MAGI1: variants seen among roughly 807,000 people sequenced by gnomAD.
The protein encoded by MAGI1 is membrane associated guanylate kinase, WW and PDZ domain containing 1.
A neutral mutation model predicts 139.9 loss-of-function variants in MAGI1; 58 were observed. The observed-to-expected ratio is 0.41, with a 90% CI of 0.34 to 0.52. The LOEUF (loss-of-function observed/expected upper bound fraction) is 0.52. Ranked by LOEUF, MAGI1 falls within the 20% of genes least tolerant of loss-of-function variation. MAGI1 has a pLI of 0.12. For missense variants in MAGI1, 1,874 were observed against 1,901.6 expected, an observed-to-expected ratio of 0.99 and a Z score of 0.27; for synonymous variants, 812 against 737.9, an observed-to-expected ratio of 1.10 and a Z score of -1.63.
intron 2 of MAGI1, among the ~76,000 whole-genome samples, chr3:65,534,970 A>C (rs768749855): frequency 6.6e-6 from 1 of 152,002 alleles, no homozygotes; most frequent in Non-Finnish European, 1.5e-5. Context: ...GGAAGTGCCA[A>C]CTCTCCATGT....
intron 1 of MAGI1, among the ~76,000 whole-genome samples, chr3:65,953,707 TA>T (rs2063975043): frequency 1.3e-5 from 2 of 152,320 alleles, no homozygotes; most frequent in South Asian, 4.1e-4. Flanking sequence ...CAGGGCCAGA[TA>T]AATCTCTCTC....
intron 1 of MAGI1, among the ~76,000 whole-genome samples, chr3:65,715,688 T>G (rs1313437141): frequency 6.6e-6 from 1 of 152,200 alleles, no homozygotes; most frequent in Non-Finnish European, 1.5e-5. Context: ...AGGAAGCAGA[T>G]TTATCACTTC....
intron 2 of MAGI1, among the ~76,000 whole-genome samples, chr3:65,507,939 T>C (rs1266414692): frequency 1.1e-4 from 17 of 152,104 alleles, no homozygotes. Flanking sequence ...CAATTACTAA[T>C]GCTTCTAAAC....
intron 1 of MAGI1, among the ~76,000 whole-genome samples, chr3:65,639,743 C>T (rs1363255713): frequency 6.6e-6 from 1 of 152,072 alleles, no homozygotes; most frequent in African/African-American, 2.4e-5. Context: ...TGGCTCAGGC[C>T]TGTAATCCCA....
At chr3:65,992,201 G>C (rs924806401) in intron 1 of MAGI1, among the ~76,000 whole-genome samples, 1 of 151,822 alleles carries the variant, frequency 6.6e-6, no homozygotes, top group East Asian at 1.9e-4. Context: ...ATGCACAGAA[G>C]GTACCTCATA....
At chr3:65,682,086 G>T (rs907864369) in intron 1 of MAGI1, among the ~76,000 whole-genome samples, 30 of 151,572 alleles carry the variant, frequency 2.0e-4, no homozygotes, top group Admixed American at 2.0e-3. Context: ...CGTACTCAGA[G>T]GAAAAAAGAA....
chr3:65,589,778 T>C (rs1351313825), intron 2 of MAGI1, among the ~76,000 whole-genome samples: 1 of 151,662 alleles, frequency 6.6e-6, no homozygotes, highest in Non-Finnish European at 1.5e-5. Context: ...GTGGGCCAAA[T>C]CTGACCTCAG....
intron 9 of MAGI1, among the ~76,000 whole-genome samples, chr3:65,437,697 A>G (rs924910714): frequency 1.3e-5 from 2 of 152,018 alleles, no homozygotes; most frequent in Non-Finnish European, 2.9e-5. Flanking sequence ...TCCAAATGAG[A>G]CCTATTACAA....
Position 65,356,547 on chromosome 3 carries a change from G to C in MAGI1, c.4220C>G (p.Pro1407Arg). ...CAGGGACCGCTCTCTCCTGCGCTCG[G>C]GGGAGCGTGCGCGCCTCCGGTCGGT... The part of the protein sequence containing the change: ...KSTDRRRARS[P>R]ERRRERSLDK... The change falls in exon 23 of 23, where the codon CCC becomes CGC. Residue 1407 changes from proline (P) to arginine (R), a missense_variant. Physicochemically the swap from Pro to Arg is moderately radical, Grantham distance 103. Transcript: ENST00000402939. 6.2e-7 allele frequency: 1 copy of C among 1,609,342 alleles called. No individual in the cohort carries two copies. Among genetic ancestry groups the C allele is most frequent in the Non-Finnish European group, 8.5e-7 (1 of 1,179,666 alleles).
intron 1 of MAGI1, among the ~76,000 whole-genome samples, chr3:65,666,637 C>G (rs530585162): frequency 1.8e-4 from 28 of 152,290 alleles, no homozygotes; most frequent in African/African-American, 6.0e-4. Context: ...TTTGACCATG[C>G]GTTTCCTTTA....
intron 1 of MAGI1, among the ~76,000 whole-genome samples, chr3:65,644,364 G>A: frequency 6.8e-6 from 1 of 146,714 alleles, no homozygotes; most frequent in Admixed American, 6.9e-5. Flanking sequence ...AATGATTCAA[G>A]GAACAATTAT....
chr3:65,487,730 C>G (rs1471162640), intron 3 of MAGI1, among the ~76,000 whole-genome samples: 2 of 152,208 alleles, frequency 1.3e-5, no homozygotes, highest in African/African-American at 4.8e-5. Context: ...GATCACCACT[C>G]CTCTGCATAA....
intron 1 of MAGI1, among the ~76,000 whole-genome samples, chr3:65,851,917 T>C (rs1200881819): frequency 3.9e-5 from 6 of 152,120 alleles, no homozygotes; most frequent in East Asian, 3.9e-4. Context: ...GAGGAAGATA[T>C]TGCATAGTTT....
chr3:65,576,583 G>C (rs1342440049), intron 2 of MAGI1, among the ~76,000 whole-genome samples: 1 of 152,112 alleles, frequency 6.6e-6, no homozygotes, highest in Non-Finnish European at 1.5e-5. Flanking sequence ...CTGTCTCTGT[G>C]CTATCTTGTT....
chr3:65,811,510 G>A (rs188918064), intron 1 of MAGI1, among the ~76,000 whole-genome samples: 110 of 152,240 alleles, frequency 7.2e-4, no homozygotes, highest in Admixed American at 1.4e-3. Context: ...CCTGACTCAT[G>A]CTTGGCAAAG....
chr3:65,980,621 T>G (rs6445523), intron 1 of MAGI1, among the ~76,000 whole-genome samples: 131,000 of 150,480 alleles, frequency 0.87, 57,130 homozygotes, highest in Admixed American at 0.9. Flanking sequence ...CAGAGTTGCT[T>G]ATCAGTAGCT....
chr3:65,836,547 G>T (rs553293433), intron 1 of MAGI1, among the ~76,000 whole-genome samples: 13 of 152,278 alleles, frequency 8.5e-5, no homozygotes, highest in Middle Eastern at 3.4e-3. Flanking sequence ...GAGGCCGGGC[G>T]CGGTGGCTCA....
At chr3:65,489,759 T>G (rs530425268) in intron 3 of MAGI1, among the ~76,000 whole-genome samples, 3 of 152,242 alleles carry the variant, frequency 2.0e-5, no homozygotes, top group Non-Finnish European at 4.4e-5. Context: ...ATATATGTTG[T>G]GTACATATAA....
At chr3:65,504,347 G>A (rs983733086) in intron 2 of MAGI1, among the ~76,000 whole-genome samples, 3 of 152,164 alleles carry the variant, frequency 2.0e-5, no homozygotes, top group East Asian at 1.9e-4. Context: ...TTAGGCCAAC[G>A]TCTATTCTTT....
Sources: gnomAD v4.1 joint callset for allele counts (sites outside exome capture counted in the v4.1 genomes callset) on GRCh38, gnomAD v4.1.1 for gene constraint, MANE v1.5 for transcripts, NCBI Gene and HGNC (gene_info 2026-07-23, HGNC 2026-07-21) for gene names.